GABRA3: variants seen among roughly 807,000 people sequenced by gnomAD.
GABRA3 encodes gamma-aminobutyric acid receptor subunit alpha-3.
Under a neutral mutation model 30.1 loss-of-function variants are expected in GABRA3, and 10 were observed. The ratio of observed to expected loss-of-function variants is 0.33; its 90% CI spans 0.20 to 0.56. The LOEUF (loss-of-function observed/expected upper bound fraction) is 0.56, where lower values mean the gene tolerates loss of function less well. GABRA3 is among the 20% of genes least tolerant of loss of function. The pLI, the probability that GABRA3 is intolerant of heterozygous loss-of-function variation, is 0.89. For missense variants in GABRA3, 233 were observed against 392.0 expected (o/e 0.59, Z 3.42); for synonymous variants, 151 against 146.8 (o/e 1.03, Z -0.21).
chrX:152,224,540 A>G (rs1414062633), intron 6 of GABRA3, among the ~76,000 whole-genome samples: 1 of 111,832 alleles, frequency 8.9e-6, no homozygotes, highest in Non-Finnish European at 1.9e-5. Flanking sequence ...TGAAATAGCA[A>G]AATAAAGTTT....
chrX:152,446,019 T>C (rs747520841), intron 1 of GABRA3, among the ~76,000 whole-genome samples: 1 of 112,183 alleles, frequency 8.9e-6, no homozygotes, highest in South Asian at 3.7e-4. Flanking sequence ...TAACCTAGTT[T>C]TTAAGTAAGT....
chrX:152,350,368 T>C (rs1306611917), intron 2 of GABRA3, among the ~76,000 whole-genome samples: 2 of 99,285 alleles, frequency 2.0e-5, no homozygotes, highest in African/African-American at 3.7e-5. Context: ...AGATCCAAAA[T>C]TGACACCCTA....
chrX:152,303,080 T>G (rs1348211886), intron 3 of GABRA3, among the ~76,000 whole-genome samples: 2 of 111,949 alleles, frequency 1.8e-5, no homozygotes, highest in Non-Finnish European at 3.8e-5. Flanking sequence ...TTTATTTTCC[T>G]TTGGGTATAT....
intron 7 of GABRA3, among the ~76,000 whole-genome samples, chrX:152,198,760 G>A (rs1196797477): frequency 8.9e-6 from 1 of 111,736 alleles, no homozygotes; most frequent in Non-Finnish European, 1.9e-5. Flanking sequence ...TCACTCAGAC[G>A]CTGGCAATTC....
intron 1 of GABRA3, among the ~76,000 whole-genome samples, chrX:152,398,801 T>C (rs751719800): frequency 1.0e-3 from 114 of 111,720 alleles, no homozygotes; most frequent in Non-Finnish European, 1.7e-3. Context: ...CCATGTTGTG[T>C]GCTCAGAATA....
At chrX:152,270,007 C>CA (rs1938899671) in intron 4 of GABRA3, among the ~76,000 whole-genome samples, 1 of 111,796 alleles carries the variant, frequency 8.9e-6, no homozygotes, top group African/African-American at 3.3e-5. Context: ...ACATCAAGTT[C>CA]AAAAGCTTCT....
chrX:152,256,754 T>C lies in GABRA3; in HGVS notation c.331-756A>G, dbSNP rs111356869. 7.1e-3 allele frequency among the ~76,000 whole-genome samples: 792 copies of C among 112,280 alleles called. 10 individuals carry two copies. The highest frequency in any genetic ancestry group is 0.025 in the African/African-American group (762 of 30,902). ...AACCTGAACAACAACTGTATATACC[T>C]GTATTCCTTGAAAGCAGTGGAGCGT... On this transcript the variant is annotated intron_variant, in intron 4 of 9. Coordinates refer to ENST00000370314, the MANE Select transcript of GABRA3 (RefSeq NM_000808.4).
chrX:152,326,758 T>C (rs1032501630), intron 3 of GABRA3, among the ~76,000 whole-genome samples: 7 of 111,094 alleles, frequency 6.3e-5, no homozygotes, highest in African/African-American at 2.3e-4. Flanking sequence ...ACATGCCAAA[T>C]TGTAAAGACC....
chrX:152,449,889 C>A (rs1931179964), intron 1 of GABRA3, among the ~76,000 whole-genome samples: 1 of 112,003 alleles, frequency 8.9e-6, no homozygotes, highest in African/African-American at 3.3e-5. Context: ...ATAATAGTGT[C>A]TGTTATTCAA....
In GABRA3 at chrX:152,299,182, C is replaced by CA. The variant is rs778558322; in HGVS notation, c.263-14448dup. The stretch of plus-strand genomic sequence containing the variant: ...AGATCAAAGTATCATGAAAAAGAAA[C>CA]AAAAAAAAGGAGTAAGTAATGTTGA... On this transcript the variant is annotated intron_variant, in intron 3 of 9. Coordinates refer to ENST00000370314, the MANE Select transcript of GABRA3 (RefSeq NM_000808.4). Among the ~76,000 whole-genome samples, 435 of 109,603 alleles carry CA rather than the reference C, an allele frequency of 4.0e-3. 2 individuals carry two copies. The highest frequency in any genetic ancestry group is 0.013 in the African/African-American group (391 of 30,198).
At chrX:152,238,602 A>C (rs374702530) in intron 5 of GABRA3, among the ~76,000 whole-genome samples, 1 of 108,250 alleles carries the variant, frequency 9.2e-6, no homozygotes, top group East Asian at 2.9e-4. Context: ...GGTAGAATTC[A>C]GCTGTGAATC....
intron 3 of GABRA3, among the ~76,000 whole-genome samples, chrX:152,311,008 G>A (rs763948907): frequency 9.0e-6 from 1 of 111,254 alleles, no homozygotes; most frequent in African/African-American, 3.3e-5. Context: ...AAGATTGAAA[G>A]AGGAAGAAAT....
chrX:152,375,864 T>C (rs1380543315), intron 1 of GABRA3, among the ~76,000 whole-genome samples: 1 of 112,075 alleles, frequency 8.9e-6, no homozygotes, highest in Admixed American at 9.5e-5. Flanking sequence ...AGTATATTCT[T>C]TCAGTACAAA....
intron 1 of GABRA3, among the ~76,000 whole-genome samples, chrX:152,375,831 C>G (rs1928982424): frequency 8.9e-6 from 1 of 112,224 alleles, no homozygotes; most frequent in African/African-American, 3.2e-5. Context: ...TCATTCTTCT[C>G]AAGTTGCCTA....
chrX:152,382,867 C>T (rs1603251484), intron 1 of GABRA3, among the ~76,000 whole-genome samples: 1 of 111,614 alleles, frequency 9.0e-6, no homozygotes, highest in South Asian at 3.8e-4. Context: ...TATCCTGTTC[C>T]ATTGGTTGAT....
At chrX:152,330,845 A>T (rs1156276452) in intron 3 of GABRA3, among the ~76,000 whole-genome samples, 1 of 111,891 alleles carries the variant, frequency 8.9e-6, no homozygotes, top group Non-Finnish European at 1.9e-5. Flanking sequence ...ACTTAAAAGT[A>T]TAATAAAAAA....
At chrX:152,247,439 A>G (rs1938477653) in intron 5 of GABRA3, among the ~76,000 whole-genome samples, 3 of 111,318 alleles carry the variant, frequency 2.7e-5, no homozygotes, top group Admixed American at 1.9e-4. Context: ...CTCCCTTATT[A>G]GAGGAAATGA....
intron 4 of GABRA3, among the ~76,000 whole-genome samples, chrX:152,263,497 T>C (rs1051360185): frequency 9.1e-6 from 1 of 110,192 alleles, no homozygotes; most frequent in South Asian, 3.8e-4. Flanking sequence ...TTATTGAGCC[T>C]GAAGACAGGC....
At chrX:152,300,812 G>A (rs148883905) in intron 3 of GABRA3, among the ~76,000 whole-genome samples, 12 of 112,075 alleles carry the variant, frequency 1.1e-4, no homozygotes, top group African/African-American at 3.6e-4. Flanking sequence ...TTGAAGGGAG[G>A]CTAATAGAAA....
Sources: gnomAD v4.1 joint callset for allele counts (sites outside exome capture counted in the v4.1 genomes callset) on GRCh38, gnomAD v4.1.1 for gene constraint, MANE v1.5 for transcripts, NCBI Gene and HGNC (gene_info 2026-07-23, HGNC 2026-07-21) for gene names.